Variants in RFC3 observed in about 807,000 individuals in gnomAD.
RFC3 encodes replication factor C subunit 3, also known as A1 38 kDa subunit.
Under a neutral mutation model 45.1 loss-of-function variants are expected in RFC3, and 41 were observed. That is an observed-to-expected ratio of 0.91 (90% CI 0.71 to 1.18). The LOEUF is 1.18. Ranked by LOEUF, RFC3 falls within the 50% of genes most tolerant of loss-of-function variation. The probability of loss-of-function intolerance (pLI) is 0.00; values close to 1 mark genes in which losing one functional copy is unlikely to be tolerated. For synonymous variants in RFC3, 149 were observed against 144.0 expected, an observed-to-expected ratio of 1.03 and a Z score of -0.25; for missense variants, 423 against 428.1, an observed-to-expected ratio of 0.99 and a Z score of 0.10.
At chr13:33,877,977 T>G (rs1004017209) in intron 8 of RFC3, among the ~76,000 whole-genome samples, 1 of 151,890 alleles carries the variant, frequency 6.6e-6, no homozygotes, top group Non-Finnish European at 1.5e-5. Context: ...TGTGAGATCT[T>G]GTCAAGTTAG....
intron 8 of RFC3, among the ~76,000 whole-genome samples, chr13:33,921,962 C>T (rs1037731327): frequency 1.3e-5 from 2 of 152,128 alleles, no homozygotes; most frequent in African/African-American, 2.4e-5. Flanking sequence ...GATTCCTTCT[C>T]TCAGGTCTAG....
intron 8 of RFC3, among the ~76,000 whole-genome samples, chr13:33,945,223 G>T (rs2082947703): frequency 6.6e-6 from 1 of 152,002 alleles, no homozygotes; most frequent in Non-Finnish European, 1.5e-5. Flanking sequence ...AGTGTGATTG[G>T]GAAAACCATT....
intron 8 of RFC3, among the ~76,000 whole-genome samples, chr13:33,898,550 T>A (rs7326852): frequency 0.18 from 26,924 of 151,762 alleles, 5,153 homozygotes; most frequent in African/African-American, 0.48. Context: ...CCTATATCAA[T>A]AAAGTAGAAA....
chr13:33,969,963 G>A (rs1330531514), downstream of RFC3, among the ~76,000 whole-genome samples: 1 of 148,524 alleles, frequency 6.7e-6, no homozygotes, highest in African/African-American at 2.5e-5. Context: ...GTACATGTAC[G>A]GGATGTGCAG....
At chr13:33,829,179 T>C (rs1172429026) in intron 4 of RFC3, among the ~76,000 whole-genome samples, 1 of 152,252 alleles carries the variant, frequency 6.6e-6, no homozygotes, top group East Asian at 1.9e-4. Flanking sequence ...GGATTCAGTT[T>C]CTGTGTATAC....
intron 8 of RFC3, among the ~76,000 whole-genome samples, chr13:33,890,290 A>G (rs2082555498): frequency 6.6e-6 from 1 of 152,102 alleles, no homozygotes; most frequent in Admixed American, 6.5e-5. Context: ...GCCTACACCA[A>G]TTTTCCATTT....
At chr13:33,818,893 T>C (rs1052646824) in intron 1 of RFC3, among the ~76,000 whole-genome samples, 1 of 145,656 alleles carries the variant, frequency 6.9e-6, no homozygotes, top group Non-Finnish European at 1.5e-5. Flanking sequence ...TTTTTTTTTT[T>C]TTTTTTTTTT....
intron 8 of RFC3, among the ~76,000 whole-genome samples, chr13:33,916,208 T>G (rs1310103705): frequency 6.6e-6 from 1 of 152,200 alleles, no homozygotes; most frequent in Admixed American, 6.5e-5. Flanking sequence ...CATTTGCATG[T>G]TGTATAGTGC....
At chr13:33,965,217 T>C (rs138831965) in intron 8 of RFC3, among the ~76,000 whole-genome samples, 273 of 152,286 alleles carry the variant, frequency 1.8e-3, no homozygotes, top group Middle Eastern at 0.014. Flanking sequence ...CGATATGACC[T>C]TGGGCAAGTT....
intron 8 of RFC3, among the ~76,000 whole-genome samples, chr13:33,957,417 T>C (rs904874212): frequency 6.6e-6 from 1 of 152,210 alleles, no homozygotes; most frequent in Non-Finnish European, 1.5e-5. Flanking sequence ...GGTACCATTA[T>C]GGCAATGCAA....
intron 8 of RFC3, among the ~76,000 whole-genome samples, chr13:33,884,023 G>A (rs1273332726): frequency 6.6e-6 from 1 of 152,100 alleles, no homozygotes; most frequent in Non-Finnish European, 1.5e-5. Context: ...TGAATATTCA[G>A]AGTGCATATG....
At chr13:33,951,522 A>G (rs148471948) in intron 8 of RFC3, among the ~76,000 whole-genome samples, 3,554 of 152,004 alleles carry the variant, frequency 0.023, 121 homozygotes, top group African/African-American at 0.077. Flanking sequence ...ATGAGCCACC[A>G]CACCCAGCTG....
At chr13:33,887,223 A>G (rs1164014127) in intron 8 of RFC3, among the ~76,000 whole-genome samples, 3 of 148,818 alleles carry the variant, frequency 2.0e-5, no homozygotes, top group East Asian at 2.0e-4. Context: ...GACTTCCACA[A>G]TGGTTGAACT....
intron 8 of RFC3, among the ~76,000 whole-genome samples, chr13:33,845,106 CT>C (rs1387947652): frequency 3.9e-5 from 6 of 152,326 alleles, no homozygotes; most frequent in African/African-American, 1.4e-4. Context: ...CCATGCCACT[CT>C]TTCCTGCCTG....
chr13:33,823,298 A>C (rs1452310440), intron 2 of RFC3, among the ~76,000 whole-genome samples: 1 of 152,190 alleles, frequency 6.6e-6, no homozygotes, highest in Admixed American at 6.5e-5. Flanking sequence ...AAAACTGGGA[A>C]TCTCTTACAT....
At chr13:33,893,790 T>C (rs2082578643) in intron 8 of RFC3, among the ~76,000 whole-genome samples, 2 of 151,594 alleles carry the variant, frequency 1.3e-5, no homozygotes, top group African/African-American at 4.9e-5. Context: ...GAAGAAAGAA[T>C]CAGTCACCTC....
At position 33,907,781 on chromosome 13, in the gene RFC3, A is replaced by G. The variant is rs116276099; in HGVS notation, c.880-58306A>G. Among the ~76,000 whole-genome samples, 254 of 152,258 alleles carry G rather than the reference A, an allele frequency of 1.7e-3. 1 individual carries two copies. Among genetic ancestry groups the G allele is most frequent in the African/African-American group, 5.9e-3 (245 of 41,580 alleles). Reference sequence around the variant, plus strand: ...TTTGGTACAGTAATTTTCAAAATGAATATTTTAGATCAGTGATCCAATTTA... The same window carrying G: ...TTTGGTACAGTAATTTTCAAAATGAGTATTTTAGATCAGTGATCCAATTTA... On this transcript the variant is annotated intron_variant, in intron 8 of 8. Coordinates refer to the RFC3 transcript ENST00000434425.
chr13:33,965,733 T>G (rs761419215), intron 8 of RFC3, among the ~76,000 whole-genome samples: 12 of 152,194 alleles, frequency 7.9e-5, no homozygotes, highest in Non-Finnish European at 1.3e-4. Flanking sequence ...AGAAACTATC[T>G]TCAGCATTTA....
At chr13:33,913,209 G>A (rs2082713372) in intron 8 of RFC3, among the ~76,000 whole-genome samples, 1 of 152,124 alleles carries the variant, frequency 6.6e-6, no homozygotes, top group African/African-American at 2.4e-5. Flanking sequence ...TGGATAAGGA[G>A]ATCAAATTCC....
Sources: gnomAD v4.1 joint callset for allele counts (sites outside exome capture counted in the v4.1 genomes callset) on GRCh38, gnomAD v4.1.1 for gene constraint, MANE v1.5 for transcripts, NCBI Gene and HGNC (gene_info 2026-07-23, HGNC 2026-07-21) for gene names.